The following PPP1R9A variants were observed in gnomAD, a reference collection of about 807,000 sequenced individuals.
The protein encoded by PPP1R9A is neurabin-1.
PPP1R9A carries 59 observed loss-of-function variants against 141.9 expected under a neutral mutation model. The observed-to-expected ratio is 0.42, with a 90% CI of 0.34 to 0.52. PPP1R9A has a LOEUF of 0.52. Ranked by LOEUF, PPP1R9A falls within the 20% of genes least tolerant of loss-of-function variation. PPP1R9A has a pLI of 0.10. For missense variants in PPP1R9A, 1,444 were observed against 1,611.9 expected (o/e 0.90, Z 1.78); for synonymous variants, 500 against 569.7 (o/e 0.88, Z 1.74).
intron 5 of PPP1R9A, among the ~76,000 whole-genome samples, chr7:95,188,657 G>C (rs955075753): frequency 1.3e-5 from 2 of 149,676 alleles, no homozygotes; most frequent in African/African-American, 4.9e-5. Flanking sequence ...GGAGTGCAGT[G>C]GTGCAATCTC....
intron 7 of PPP1R9A, among the ~76,000 whole-genome samples, chr7:95,208,165 T>C (rs759192266): frequency 1.3e-5 from 2 of 152,156 alleles, no homozygotes; most frequent in South Asian, 2.1e-4. Context: ...ATTTATACTT[T>C]GGGGCAAAAG....
At chr7:95,267,895 C>CTT (rs1801554751) in intron 12 of PPP1R9A, among the ~76,000 whole-genome samples, 1 of 152,102 alleles carries the variant, frequency 6.6e-6, no homozygotes, top group Admixed American at 6.6e-5. Flanking sequence ...GATTTTTTAA[C>CTT]TGTTTGTTTC....
intron 4 of PPP1R9A, among the ~76,000 whole-genome samples, chr7:95,138,351 G>A (rs972552951): frequency 1.3e-5 from 2 of 152,124 alleles, no homozygotes; most frequent in African/African-American, 4.8e-5. Context: ...CACAAACCCT[G>A]TTTCACACCA....
chr7:95,163,088 G>A (rs567110866), intron 5 of PPP1R9A, among the ~76,000 whole-genome samples: 1 of 152,122 alleles, frequency 6.6e-6, no homozygotes, highest in Admixed American at 6.5e-5. Context: ...TCCCATGTCT[G>A]TATAGAACTT....
intron 2 of PPP1R9A, among the ~76,000 whole-genome samples, chr7:94,986,846 G>T (rs1800910369): frequency 6.6e-6 from 1 of 152,194 alleles, no homozygotes; most frequent in Admixed American, 6.6e-5. Flanking sequence ...CTAGTTTTAG[G>T]TAACTTTGTT....
intron 2 of PPP1R9A, among the ~76,000 whole-genome samples, chr7:95,013,644 A>G (rs947147573): frequency 1.3e-5 from 2 of 152,138 alleles, no homozygotes; most frequent in African/African-American, 4.8e-5. Context: ...GTTTAGTAAC[A>G]TATACTTTTT....
chr7:95,001,527 C>T (rs1647116364), intron 2 of PPP1R9A, among the ~76,000 whole-genome samples: 2 of 152,086 alleles, frequency 1.3e-5, no homozygotes, highest in Non-Finnish European at 2.9e-5. Context: ...CTTAAGAGAT[C>T]CAATTGCCAT....
At chr7:95,124,844 T>A (rs1823280509) in intron 4 of PPP1R9A, among the ~76,000 whole-genome samples, 1 of 152,074 alleles carries the variant, frequency 6.6e-6, no homozygotes, top group East Asian at 1.9e-4. Flanking sequence ...CCCTCCTTCC[T>A]GCCCCCACAA....
chr7:95,221,358 A>C (rs768387913), intron 7 of PPP1R9A, among the ~76,000 whole-genome samples: 1 of 152,106 alleles, frequency 6.6e-6, no homozygotes, highest in Non-Finnish European at 1.5e-5. Flanking sequence ...GGACTTGAAC[A>C]CAGTTCTACG....
intron 2 of PPP1R9A, among the ~76,000 whole-genome samples, chr7:95,045,935 T>G (rs980254424): frequency 4.6e-5 from 7 of 152,224 alleles, no homozygotes; most frequent in African/African-American, 1.7e-4. Context: ...ATTTCTGAAT[T>G]TAACGGGTTA....
intron 2 of PPP1R9A, among the ~76,000 whole-genome samples, chr7:95,056,452 T>C (rs1811513720): frequency 6.6e-6 from 1 of 152,190 alleles, no homozygotes; most frequent in Non-Finnish European, 1.5e-5. Context: ...ATATTTTTTC[T>C]TGTAGTACTG....
intron 2 of PPP1R9A, among the ~76,000 whole-genome samples, chr7:95,054,635 G>C (rs959035638): frequency 2.0e-5 from 3 of 151,922 alleles, no homozygotes; most frequent in African/African-American, 7.3e-5. Context: ...CTGGCTCCCT[G>C]GTCCCTGCTT....
At chr7:95,257,424 C>A (rs1408408926) in intron 12 of PPP1R9A, among the ~76,000 whole-genome samples, 1 of 152,032 alleles carries the variant, frequency 6.6e-6, no homozygotes, top group African/African-American at 2.4e-5. Flanking sequence ...TCACATTATT[C>A]ATGAAATAAG....
At chr7:95,175,632 A>G (rs950777479) in intron 5 of PPP1R9A, among the ~76,000 whole-genome samples, 1 of 152,086 alleles carries the variant, frequency 6.6e-6, no homozygotes, top group African/African-American at 2.4e-5. Flanking sequence ...GCAAAATTTG[A>G]TATAAGACAG....
In PPP1R9A at chr7:94,912,374, G is replaced by T. The variant is rs796527988; in HGVS notation, c.1395+866G>T. ...TGGTTGAGTACCAGAATCTCCTGGGGTGCTTTTTCAAAGTGTACTTGCCCA... is the reference window on the plus strand; with the variant it reads ...TGGTTGAGTACCAGAATCTCCTGGGTTGCTTTTTCAAAGTGTACTTGCCCA... On this transcript the variant is annotated intron_variant, in intron 2 of 19. Coordinates refer to ENST00000433360, the MANE Select transcript of PPP1R9A (RefSeq NM_001166160.2). 6.0e-4 allele frequency among the ~76,000 whole-genome samples: 91 copies of T among 152,286 alleles called. 1 individual carries two copies. Among genetic ancestry groups the T allele is most frequent in the African/African-American group, 2.1e-3 (87 of 41,568 alleles).
intron 7 of PPP1R9A, among the ~76,000 whole-genome samples, chr7:95,216,164 G>A (rs78585148): frequency 0.38 from 58,116 of 151,994 alleles, 11,805 homozygotes; most frequent in South Asian, 0.49. Flanking sequence ...GTATAAGGAA[G>A]GGATCCAGTT....
chr7:95,101,425 G>C (rs1279771887), intron 2 of PPP1R9A, among the ~76,000 whole-genome samples: 1 of 152,156 alleles, frequency 6.6e-6, no homozygotes, highest in Non-Finnish European at 1.5e-5. Context: ...GAAGCTCCTT[G>C]TATTCAGTAT....
At chr7:95,191,047 G>A (rs779217769) in intron 5 of PPP1R9A, among the ~76,000 whole-genome samples, 4 of 152,170 alleles carry the variant, frequency 2.6e-5, no homozygotes, top group East Asian at 3.9e-4. Context: ...ATAACCTCTC[G>A]TCATTTACAT....
chr7:95,094,879 C>CAAAAAAAAAAAAAA (rs1166550834), intron 2 of PPP1R9A, among the ~76,000 whole-genome samples: 5 of 44,992 alleles, frequency 1.1e-4, no homozygotes, highest in African/African-American at 2.2e-4. Flanking sequence ...GACTGCGTCT[C>CAAAAAAAAAAAAAA]AAAAAAAAAA....
Sources: gnomAD v4.1 joint callset for allele counts (sites outside exome capture counted in the v4.1 genomes callset) on GRCh38, gnomAD v4.1.1 for gene constraint, MANE v1.5 for transcripts, NCBI Gene and HGNC (gene_info 2026-07-23, HGNC 2026-07-21) for gene names.